KIAA2012: variants seen among roughly 807,000 people sequenced by gnomAD.
KIAA2012 encodes KIAA2012.
KIAA2012 carries 125 observed loss-of-function variants against 150.6 expected under a neutral mutation model. The ratio of observed to expected loss-of-function variants is 0.83; its 90% CI spans 0.72 to 0.96. The LOEUF (loss-of-function observed/expected upper bound fraction) is 0.96. KIAA2012 is among the 40% of genes least tolerant of loss of function. The probability of loss-of-function intolerance (pLI) is 0.00; values close to 1 mark genes in which losing one functional copy is unlikely to be tolerated. For missense variants in KIAA2012, 1,219 were observed against 1,354.9 expected, an observed-to-expected ratio of 0.90 and a Z score of 1.57; for synonymous variants, 462 against 504.7, an observed-to-expected ratio of 0.92 and a Z score of 1.13.
At chr2:202,098,122 G>A (rs1476196781) in intron 5 of KIAA2012, among the ~76,000 whole-genome samples, 1 of 152,210 alleles carries the variant, frequency 6.6e-6, no homozygotes, top group Non-Finnish European at 1.5e-5. Flanking sequence ...CACTTTGGGA[G>A]ACCAAGGCAG....
In KIAA2012 at chr2:202,100,322, T is replaced by G. The variant is rs1352822498; in HGVS notation, c.1028T>G (p.Val343Gly). Residue 343 changes from valine (V) to glycine (G), a missense_variant, in exon 7 of 24, where the codon GTG (valine) becomes GGG (glycine). Coordinates refer to ENST00000498697, the MANE Select transcript of KIAA2012 (RefSeq NM_001277372.4). ...KADLSDKQRNVKLHKARSSHL... is the reference protein window; with the variant it reads ...KADLSDKQRNGKLHKARSSHL... Reference sequence around the variant, plus strand: ...GTTTTTAAAGATAAACAAAGGAACGTGAAACTCCACAAGGCCAGAAGCAGC... The same window carrying G: ...GTTTTTAAAGATAAACAAAGGAACGGGAAACTCCACAAGGCCAGAAGCAGC... 3 of 1,550,218 alleles carry G rather than the reference T, an allele frequency of 1.9e-6. No homozygotes were observed. Among genetic ancestry groups the G allele is most frequent in the Non-Finnish European group, 2.6e-6 (3 of 1,146,816 alleles).
At chr2:202,093,358 G>A (rs1037875846) in intron 4 of KIAA2012, among the ~76,000 whole-genome samples, 173 bp downstream of exon 4, 2 of 152,258 alleles carry the variant, frequency 1.3e-5, no homozygotes, top group Non-Finnish European at 2.9e-5. Flanking sequence ...GCTTTTCACA[G>A]TGATGGAATG....
chr2:202,120,158 A>G (rs1462091852), intron 11 of KIAA2012, among the ~76,000 whole-genome samples: 1 of 152,194 alleles, frequency 6.6e-6, no homozygotes, highest in Non-Finnish European at 1.5e-5. Flanking sequence ...TGTCTTTATC[A>G]GCAGCATGAA....
intron 8 of KIAA2012, among the ~76,000 whole-genome samples, chr2:202,103,551 T>C (rs1285559957): frequency 6.6e-6 from 1 of 152,110 alleles, no homozygotes; most frequent in Non-Finnish European, 1.5e-5. Context: ...ATTCATGGTT[T>C]GAAGTAAGTA....
intron 10 of KIAA2012, among the ~76,000 whole-genome samples, chr2:202,111,573 C>A (rs1158198134): frequency 6.9e-6 from 1 of 145,854 alleles, no homozygotes; most frequent in Non-Finnish European, 1.5e-5. Context: ...GAAAAGAGAG[C>A]AGCCTGAAGC....
At chr2:202,161,188 C>T (rs1691647194) in intron 14 of KIAA2012, among the ~76,000 whole-genome samples, 3 of 152,128 alleles carry the variant, frequency 2.0e-5, no homozygotes. Flanking sequence ...GTGCAGACAG[C>T]CTGACTGCAG....
rs996577340 is a variant in KIAA2012 at position 202,162,336 on chromosome 2, G to A, written c.2047-2948G>A. ...GTCATCCAGGCTGGAGTGCAGTGTT[G>A]CGATCTCGGCTCACTGCAACCTCCG... On this transcript the variant is annotated intron_variant, in intron 14 of 23. Transcript: ENST00000498697. 2.6e-5 allele frequency among the ~76,000 whole-genome samples: 4 copies of A among 151,888 alleles called. No homozygotes were observed. In the South Asian group the frequency reaches 6.2e-4, roughly 24 times the overall value.
At chr2:202,120,721 C>A (rs774273305) in intron 11 of KIAA2012, among the ~76,000 whole-genome samples, 1 of 152,178 alleles carries the variant, frequency 6.6e-6, no homozygotes, top group Non-Finnish European at 1.5e-5. Context: ...TACTATTTTT[C>A]TTCTTTCCCC....
intron 3 of KIAA2012, among the ~76,000 whole-genome samples, chr2:202,091,423 G>T (rs573604455): frequency 6.6e-6 from 1 of 152,270 alleles, no homozygotes; most frequent in Non-Finnish European, 1.5e-5. Flanking sequence ...GGTCCTCCCG[G>T]AAGTGAAATG....
intron 13 of KIAA2012, among the ~76,000 whole-genome samples, chr2:202,148,668 T>C (rs1691354267): frequency 1.3e-5 from 2 of 152,168 alleles, no homozygotes; most frequent in African/African-American, 4.8e-5. Context: ...AGAAAGAGGC[T>C]ATGCGGCCAG....
chr2:202,171,043 C>CA (rs1230392572), intron 15 of KIAA2012, among the ~76,000 whole-genome samples: 3 of 151,854 alleles, frequency 2.0e-5, no homozygotes, highest in Admixed American at 2.0e-4. Context: ...TAACAGCTAT[C>CA]AAAAAGAGGG....
intron 12 of KIAA2012, among the ~76,000 whole-genome samples, chr2:202,130,698 C>G (rs1458736172): frequency 6.6e-6 from 1 of 152,246 alleles, no homozygotes; most frequent in Admixed American, 6.5e-5. Context: ...AGGAGGATCA[C>G]TTGAGGTCAG....
rs1402680525 is a variant in KIAA2012, at chr2:202,186,985, C to A, written c.2263C>A (p.Pro755Thr). Residue 755 changes from proline (P) to threonine (T), a missense_variant, in exon 17 of 24, where the codon CCT (proline) becomes ACT (threonine). Coordinates refer to ENST00000498697, the MANE Select transcript of KIAA2012 (RefSeq NM_001277372.4). Reference sequence around the variant, plus strand: ...ACACAGAGGACTTCTGGGATACGGGCCTGAGTCACCCGAGAGGTTGAGTGC... The same window carrying A: ...ACACAGAGGACTTCTGGGATACGGGACTGAGTCACCCGAGAGGTTGAGTGC... ...HLHRGLLGYG[P>T]ESPERLSAVY... The A allele has an allele frequency of 1.4e-5, 21 of 1,550,492 alleles. No individual in the cohort carries two copies. Among genetic ancestry groups the A allele is most frequent in the Non-Finnish European group, 1.8e-5 (21 of 1,147,008 alleles).
intron 15 of KIAA2012, among the ~76,000 whole-genome samples, chr2:202,167,702 G>A (rs571089149): frequency 3.4e-4 from 52 of 152,126 alleles, no homozygotes; most frequent in African/African-American, 1.0e-3. Context: ...TAATTAGCCA[G>A]GCATGGTAGT....
chr2:202,138,360 G>C (rs1483875318), intron 12 of KIAA2012, 72 bp from the exon 13 acceptor site: 10 of 990,476 alleles, frequency 1.0e-5, no homozygotes, highest in Non-Finnish European at 1.6e-5. Context: ...GTGTGTGTAT[G>C]GTATATATAA....
At chr2:202,155,928 C>T (rs972311146) in intron 14 of KIAA2012, among the ~76,000 whole-genome samples, 4 of 151,968 alleles carry the variant, frequency 2.6e-5, no homozygotes, top group Non-Finnish European at 2.9e-5. Flanking sequence ...CAGGTCATTC[C>T]GGTACTGAAT....
intron 19 of KIAA2012, among the ~76,000 whole-genome samples, chr2:202,192,055 T>C (rs1239855903): frequency 1.3e-5 from 2 of 152,218 alleles, no homozygotes; most frequent in East Asian, 3.8e-4. Flanking sequence ...AAGATTTTCC[T>C]TTATAGTTCT....
At chr2:202,166,568 T>C (rs759888945) in intron 15 of KIAA2012, among the ~76,000 whole-genome samples, 7 of 151,434 alleles carry the variant, frequency 4.6e-5, no homozygotes, top group South Asian at 2.1e-4. Flanking sequence ...AGGAGGATCA[T>C]TGGAGCCCAG....
Position 202,109,759 on chromosome 2 carries a change from G to C in KIAA2012, c.1621G>C (p.Val541Leu). The C allele has an allele frequency of 6.5e-7, 1 of 1,549,728 alleles. No homozygotes were observed. Among genetic ancestry groups the C allele is most frequent in the South Asian group, 1.2e-5 (1 of 83,862 alleles). ...NSPPSLPNMR[V>L]PRRALPAAQE... ...CCCCCCAAGTCTCCCGAACATGAGA[G>C]TGCCCAGGAGGGCACTGCCAGCAGC... Residue 541 changes from valine (V) to leucine (L), a missense_variant, in exon 10 of 24, where the codon GTG (valine) becomes CTG (leucine). Transcript: ENST00000498697.
Sources: allele counts gnomAD v4.1 joint callset (sites outside exome capture counted in the v4.1 genomes callset), GRCh38; gene constraint gnomAD v4.1.1; transcripts MANE v1.5; gene names NCBI Gene and HGNC (gene_info 2026-07-23, HGNC 2026-07-21).